TAFA1: variants seen among roughly 807,000 people sequenced by gnomAD.
The protein encoded by TAFA1 is TAFA chemokine like family member 1, also known as chemokine-like protein TAFA-1.
TAFA1 carries 4 observed loss-of-function variants against 18.5 expected under a neutral mutation model. The observed-to-expected ratio is 0.22, with a 90% CI of 0.11 to 0.49. The LOEUF (loss-of-function observed/expected upper bound fraction) is 0.49, where lower values mean the gene tolerates loss of function less well. TAFA1 is among the 20% of genes least tolerant of loss of function. TAFA1 has a pLI of 0.98. For missense variants in TAFA1, 147 were observed against 169.0 expected (o/e 0.87, Z 0.72); for synonymous variants, 56 against 55.2 (o/e 1.01, Z -0.06).
intron 2 of TAFA1, among the ~76,000 whole-genome samples, chr3:68,053,002 C>G (rs2064490705): frequency 1.3e-5 from 2 of 152,164 alleles, no homozygotes; most frequent in African/African-American, 4.8e-5. Context: ...GTTTACTTCA[C>G]TGACACCATC....
intron 2 of TAFA1, among the ~76,000 whole-genome samples, chr3:68,370,798 T>A (rs73101144): frequency 3.4e-5 from 5 of 148,414 alleles, no homozygotes; most frequent in Non-Finnish European, 6.0e-5. Flanking sequence ...TTTTTTTTTT[T>A]AATTGTCTGG....
At chr3:68,272,865 T>C (rs1341005086) in intron 2 of TAFA1, among the ~76,000 whole-genome samples, 1 of 152,166 alleles carries the variant, frequency 6.6e-6, no homozygotes, top group Non-Finnish European at 1.5e-5. Context: ...TGTATCTTCA[T>C]ATAGTTAGAA....
At chr3:68,310,507 T>C (rs1043226040) in intron 2 of TAFA1, among the ~76,000 whole-genome samples, 3 of 152,232 alleles carry the variant, frequency 2.0e-5, no homozygotes, top group African/African-American at 4.8e-5. Context: ...TATTCCTTGG[T>C]AAATTTCCAA....
At chr3:68,427,333 T>C (rs4855471) in intron 3 of TAFA1, among the ~76,000 whole-genome samples, 111,781 of 151,612 alleles carry the variant, frequency 0.74, 41,276 homozygotes, top group African/African-American at 0.79. Flanking sequence ...TAGCTGGGCT[T>C]CAGCCTAGAT....
chr3:68,043,412 A>G (rs1385828548), intron 2 of TAFA1, among the ~76,000 whole-genome samples: 2 of 152,206 alleles, frequency 1.3e-5, no homozygotes, highest in Non-Finnish European at 2.9e-5. Context: ...GAGTTTTTCT[A>G]TAAGGGATGG....
intron 2 of TAFA1, among the ~76,000 whole-genome samples, chr3:68,383,375 T>C (rs1362106847): frequency 6.6e-6 from 1 of 152,176 alleles, no homozygotes; most frequent in East Asian, 1.9e-4. Flanking sequence ...ACCTAGTCTA[T>C]TGAGAGTTTT....
chr3:68,294,530 T>G (rs1412238433), intron 2 of TAFA1, among the ~76,000 whole-genome samples: 1 of 152,190 alleles, frequency 6.6e-6, no homozygotes, highest in Non-Finnish European at 1.5e-5. Flanking sequence ...AAGTCACATT[T>G]AGAGAAAAAA....
At position 68,105,564 on chromosome 3, in the gene TAFA1, GA is replaced by G. The variant is rs145197924; in HGVS notation, c.118+98822del. 6.6e-3 allele frequency among the ~76,000 whole-genome samples: 999 copies of G among 152,206 alleles called. 8 individuals are homozygous for G. The highest frequency in any genetic ancestry group is 0.023 in the African/African-American group (949 of 41,544). ...GAGATGAAAAACAACAACAACCATA[GA>G]AGGTATTGTGACAAAACACAGAATC... On this transcript the variant is annotated intron_variant, in intron 2 of 4. Transcript: ENST00000478136.
At chr3:68,521,289 C>G (rs552392715) in intron 3 of TAFA1, among the ~76,000 whole-genome samples, 3 of 152,330 alleles carry the variant, frequency 2.0e-5, no homozygotes, top group Admixed American at 2.0e-4. Context: ...TATGCCCAAA[C>G]TCAGCTACCA....
intron 2 of TAFA1, among the ~76,000 whole-genome samples, chr3:68,048,050 G>A (rs2064414013): frequency 6.6e-6 from 1 of 152,066 alleles, no homozygotes; most frequent in South Asian, 2.1e-4. Context: ...AGACATCATG[G>A]AATCATGAAG....
intron 2 of TAFA1, among the ~76,000 whole-genome samples, chr3:68,036,173 T>A (rs1705043007): frequency 6.6e-6 from 1 of 152,110 alleles, no homozygotes; most frequent in African/African-American, 2.4e-5. Context: ...AGGCACGCTG[T>A]CTCACTCCAG....
chr3:68,497,117 CT>C (rs1167271553), intron 3 of TAFA1, among the ~76,000 whole-genome samples: 1 of 152,100 alleles, frequency 6.6e-6, no homozygotes, highest in Admixed American at 6.5e-5. Context: ...ATAATACCAC[CT>C]TTTTTCTGAT....
chr3:68,354,274 T>G (rs940621052), intron 2 of TAFA1, among the ~76,000 whole-genome samples: 3 of 152,004 alleles, frequency 2.0e-5, no homozygotes, highest in African/African-American at 4.8e-5. Context: ...ATAAAAGATG[T>G]GGATTTCACA....
intron 2 of TAFA1, among the ~76,000 whole-genome samples, chr3:68,124,790 G>T (rs1213996661): frequency 6.6e-6 from 1 of 152,184 alleles, no homozygotes; most frequent in African/African-American, 2.4e-5. Context: ...AGTGAACAGA[G>T]GTTCTGAAAT....
intron 3 of TAFA1, among the ~76,000 whole-genome samples, chr3:68,447,332 G>T (rs1010255604): frequency 1.3e-5 from 2 of 152,150 alleles, no homozygotes; most frequent in African/African-American, 4.8e-5. Flanking sequence ...AGGATTGACT[G>T]GTTGTCAGTC....
the TAFA1 span, among the ~76,000 whole-genome samples, chr3:67,998,008 C>A: frequency 6.6e-6 from 1 of 150,758 alleles, no homozygotes; most frequent in East Asian, 2.0e-4. Flanking sequence ...ATGAAAAATA[C>A]AATGAAAAAT....
chr3:68,381,989 G>A (rs1194516623), intron 2 of TAFA1, among the ~76,000 whole-genome samples: 1 of 152,164 alleles, frequency 6.6e-6, no homozygotes, highest in African/African-American at 2.4e-5. Context: ...AAGGGTTGTT[G>A]ACTTTTGTCA....
chr3:68,434,996 T>C (rs1281549835), intron 3 of TAFA1, among the ~76,000 whole-genome samples: 1 of 152,078 alleles, frequency 6.6e-6, no homozygotes, highest in African/African-American at 2.4e-5. Context: ...TCAATGATTA[T>C]AAAGTTCAGG....
chr3:68,457,546 C>G (rs961906748), intron 3 of TAFA1, among the ~76,000 whole-genome samples: 1 of 152,158 alleles, frequency 6.6e-6, no homozygotes, highest in Non-Finnish European at 1.5e-5. Flanking sequence ...CAAGGGCCAA[C>G]TGTATATCAA....
Sources: allele counts gnomAD v4.1 joint callset (sites outside exome capture counted in the v4.1 genomes callset), GRCh38; gene constraint gnomAD v4.1.1; transcripts MANE v1.5; gene names NCBI Gene and HGNC (gene_info 2026-07-23, HGNC 2026-07-21).